ACAD10: variants seen among roughly 807,000 people sequenced by gnomAD.
The protein encoded by ACAD10 is acyl-CoA dehydrogenase family member 10, also known as ACAD-10.
ACAD10 carries 112 observed loss-of-function variants against 116.8 expected under a neutral mutation model. The ratio of observed to expected loss-of-function variants is 0.96; its 90% CI spans 0.82 to 1.12. The LOEUF (loss-of-function observed/expected upper bound fraction) is 1.12, where lower values mean the gene tolerates loss of function less well. Among genes scored for constraint, ACAD10 ranks in the 50% most tolerant of loss-of-function variants. ACAD10 has a pLI of 0.00. For missense variants in ACAD10, 1,259 were observed against 1,350.2 expected (o/e 0.93, Z 1.06); for synonymous variants, 486 against 510.6 (o/e 0.95, Z 0.65).
intron 19 of ACAD10, among the ~76,000 whole-genome samples, chr12:111,754,166 A>G (rs1890145548): frequency 6.6e-6 from 1 of 152,026 alleles, no homozygotes; most frequent in South Asian, 2.1e-4. Flanking sequence ...GTGGCCCTGG[A>G]CTCCCAGGGC....
chr12:111,719,075 T>A (rs1227866134), intron 7 of ACAD10, among the ~76,000 whole-genome samples: 1 of 151,796 alleles, frequency 6.6e-6, no homozygotes, highest in Non-Finnish European at 1.5e-5. Context: ...GAGCCAAGAT[T>A]GTGCCATGGC....
At chr12:111,690,158 A>G (rs924959253) in intron 1 of ACAD10, among the ~76,000 whole-genome samples, 1 of 152,206 alleles carries the variant, frequency 6.6e-6, no homozygotes, top group Non-Finnish European at 1.5e-5. Flanking sequence ...ATAGAGGTTG[A>G]GTATCCCTTG....
Position 111,720,007 on chromosome 12 carries a change from A to G in ACAD10, c.993-1664A>G, listed in dbSNP as rs377347677. ...CTCCCAAAGTGCTGAGATTGCAGGC[A>G]TGAGCCACCAAGCCTGGCCCTAATT... On this transcript the variant is annotated intron_variant, in intron 7 of 20. Coordinates refer to ENST00000313698, the MANE Select transcript of ACAD10 (RefSeq NM_025247.6). Among the ~76,000 whole-genome samples the G allele has an allele frequency of 2.6e-5, 4 of 152,130 alleles. No individual in the cohort carries two copies. In the East Asian group the frequency reaches 7.7e-4, roughly 29 times the overall value.
chr12:111,691,749 C>T (rs868235490), intron 1 of ACAD10, among the ~76,000 whole-genome samples: 4 of 151,646 alleles, frequency 2.6e-5, no homozygotes, highest in South Asian at 4.2e-4. Context: ...CACCCAACAC[C>T]ATGCCCAGGT....
intron 4 of ACAD10, among the ~76,000 whole-genome samples, chr12:111,708,806 T>G (rs562631452): frequency 6.6e-6 from 1 of 152,238 alleles, no homozygotes; most frequent in South Asian, 2.1e-4. Flanking sequence ...AGAGACAGCC[T>G]GACACTGAGA....
Position 111,740,605 on chromosome 12 carries a change from A to C in ACAD10, c.1714+3601A>C, listed in dbSNP as rs181828632. Among the ~76,000 whole-genome samples the C allele has an allele frequency of 4.5e-4, 69 of 151,736 alleles. 3 individuals are homozygous for C. The highest frequency in any genetic ancestry group is 4.1e-3 in the Admixed American group (63 of 15,194). On this transcript the variant is annotated intron_variant, in intron 12 of 20. Transcript: ENST00000313698. The stretch of plus-strand genomic sequence containing the variant: ...AAACCCCGTCTCTACTAAAAATACA[A>C]AAATTAGCTGGGCTTGGTGGTGTGT...
In ACAD10 at chr12:111,757,007, C is replaced by T; in HGVS notation, c.*534C>T. ...AAAGCCACTGGCATCTGATTATCTC[C>T]ATTTGAACACACAGCACAGAACAAT... On this transcript the variant is annotated 3_prime_UTR_variant, in exon 21 of 21. Transcript: ENST00000313698. 2 of 409,396 alleles carry T rather than the reference C, an allele frequency of 4.9e-6. No homozygotes were observed. The highest frequency in any genetic ancestry group is 3.5e-5 in the South Asian group (2 of 57,206). 25.4% of individuals were successfully genotyped at this position (409,396 alleles called of 1,614,324 possible). A position where few individuals can be genotyped will look rare whatever the true frequency, so the allele number is the denominator to read the frequency against.
At chr12:111,725,703 T>G (rs1889194173) in intron 8 of ACAD10, among the ~76,000 whole-genome samples, 5 of 151,824 alleles carry the variant, frequency 3.3e-5, no homozygotes, top group African/African-American at 9.7e-5. Context: ...CCCGGCTAAT[T>G]TTTGTATTTT....
At chr12:111,726,402 A>G (rs190464734) in intron 8 of ACAD10, among the ~76,000 whole-genome samples, 146 of 152,316 alleles carry the variant, frequency 9.6e-4, no homozygotes, top group African/African-American at 3.1e-3. Flanking sequence ...AATAACCTCA[A>G]TAACAAGAAG....
intron 13 of ACAD10, 82 bp from the exon 14 acceptor site, chr12:111,746,062 C>A: frequency 6.5e-7 from 1 of 1,538,382 alleles, no homozygotes; most frequent in Non-Finnish European, 8.8e-7. Context: ...TTGTTTCCTC[C>A]AATCCCTTTC....
intron 8 of ACAD10, among the ~76,000 whole-genome samples, chr12:111,723,445 G>T (rs1282722073): frequency 3.6e-5 from 5 of 138,618 alleles, no homozygotes; most frequent in African/African-American, 5.4e-5. Flanking sequence ...CCTCCTGGAC[G>T]GGGCAGCTGG....
At chr12:111,703,683 C>T (rs773709290) in intron 3 of ACAD10, among the ~76,000 whole-genome samples, 11 of 151,686 alleles carry the variant, frequency 7.3e-5, no homozygotes, top group Non-Finnish European at 1.3e-4. Context: ...ACTAAAAATA[C>T]AAAATTTAGC....
In ACAD10 at chr12:111,721,484, C is replaced by T. The variant is rs542260189; in HGVS notation, c.993-187C>T. ...TCAGGAGGCTGAGGCCTGAGAATGG[C>T]TTGAACCTAGGAAGTAGAGGTTGCA... On this transcript the variant is annotated intron_variant, in intron 7 of 20. Transcript: ENST00000313698. 3.9e-5 allele frequency among the ~76,000 whole-genome samples: 6 copies of T among 152,328 alleles called. No individual in the cohort carries two copies. The East Asian group carries it at 1.2e-3, about 29-fold the overall frequency.
chr12:111,688,522 C>T (rs535268594), intron 1 of ACAD10, among the ~76,000 whole-genome samples: 1 of 152,250 alleles, frequency 6.6e-6, no homozygotes, highest in South Asian at 2.1e-4. Flanking sequence ...AAGTACTTGA[C>T]TTGGTGTGGT....
intron 7 of ACAD10, 137 bp from the exon 8 acceptor site, chr12:111,721,534 C>T (rs1889012516): frequency 2.7e-6 from 2 of 730,692 alleles, no homozygotes; most frequent in Non-Finnish European, 2.2e-6. Context: ...TGCCACTGCA[C>T]TCCAGCCTGG....
intron 4 of ACAD10, among the ~76,000 whole-genome samples, chr12:111,706,782 A>ATATATATTTTTTT (rs778649893): frequency 2.6e-4 from 33 of 126,494 alleles, no homozygotes; most frequent in African/African-American, 9.8e-4. Context: ...ATATATATAT[A>ATATATATTTTTTT]TTTTTTTTTT....
chr12:111,725,273 T>C lies in ACAD10; in HGVS notation c.1062-2689T>C, dbSNP rs537912414. ...CTGTAATCCCAGCACTTAAGGAGGCTGAGGCAGGTAGATCACTTGAGCCCA... is the reference window on the plus strand; with the variant it reads ...CTGTAATCCCAGCACTTAAGGAGGCCGAGGCAGGTAGATCACTTGAGCCCA... On this transcript the variant is annotated intron_variant, in intron 8 of 20. Transcript: ENST00000313698. 5.9e-5 allele frequency among the ~76,000 whole-genome samples: 9 copies of C among 152,254 alleles called. No individual in the cohort carries two copies. The South Asian group carries it at 1.7e-3, about 28-fold the overall frequency.
intron 6 of ACAD10, 35 bp from the exon 7 acceptor site, chr12:111,715,786 G>C (rs1338474722): frequency 7.4e-6 from 12 of 1,613,876 alleles, no homozygotes; most frequent in Non-Finnish European, 1.0e-5. Flanking sequence ...GTCCTCCAGG[G>C]CTGGTTTGAG....
At chr12:111,739,143 A>T (rs1666766336) in intron 12 of ACAD10, among the ~76,000 whole-genome samples, 1 of 151,788 alleles carries the variant, frequency 6.6e-6, no homozygotes, top group Non-Finnish European at 1.5e-5. Context: ...CCAATTTGCA[A>T]CTCCTAATGC....
Sources: allele counts gnomAD v4.1 joint callset (sites outside exome capture counted in the v4.1 genomes callset), GRCh38; gene constraint gnomAD v4.1.1; transcripts MANE v1.5; gene names NCBI Gene and HGNC (gene_info 2026-07-23, HGNC 2026-07-21).